Variants in SOX6 observed in about 807,000 individuals in gnomAD.
SOX6 encodes the protein SRY-box transcription factor 6, also known as transcription factor SOX-6.
In SOX6, 11 loss-of-function variants were observed where a neutral mutation model predicts 97.8. The observed-to-expected ratio is 0.11, with a 90% confidence interval of 0.07 to 0.19. The LOEUF is 0.19. SOX6 is among the 10% of genes least tolerant of loss of function. The probability of loss-of-function intolerance (pLI) is 1.00; values close to 1 mark genes in which losing one functional copy is unlikely to be tolerated. For missense variants in SOX6, 810 were observed against 1,039.5 expected, an observed-to-expected ratio of 0.78 and a Z score of 3.04; for synonymous variants, 360 against 371.4, an observed-to-expected ratio of 0.97 and a Z score of 0.35.
At chr11:16,643,790 T>A (rs1325553006) in intron 3 of SOX6, among the ~76,000 whole-genome samples, 1 of 152,192 alleles carries the variant, frequency 6.6e-6, no homozygotes, top group East Asian at 1.9e-4. Flanking sequence ...GGGAGTGACC[T>A]GATTTTCCAG....
chr11:16,585,565 T>C (rs1272991853), intron 4 of SOX6, among the ~76,000 whole-genome samples: 2 of 151,912 alleles, frequency 1.3e-5, no homozygotes, highest in African/African-American at 4.8e-5. Context: ...AGAGTCAGTA[T>C]AGGATTTCTA....
intron 4 of SOX6, among the ~76,000 whole-genome samples, chr11:16,540,240 T>C (rs534871957): frequency 6.6e-6 from 1 of 152,288 alleles, no homozygotes; most frequent in Non-Finnish European, 1.5e-5. Context: ...TCTCAATAGA[T>C]GCAGAAAAGG....
At chr11:16,298,812 T>G (rs1855170741) in intron 3 of SOX6, among the ~76,000 whole-genome samples, 2 of 152,198 alleles carry the variant, frequency 1.3e-5, no homozygotes, top group Admixed American at 6.5e-5. Flanking sequence ...GCCTGCTCAT[T>G]AGATGTTTAA....
At chr11:16,248,785 C>T (rs1853417055) in intron 3 of SOX6, among the ~76,000 whole-genome samples, 2 of 152,166 alleles carry the variant, frequency 1.3e-5, no homozygotes, top group Admixed American at 6.5e-5. Context: ...AGACATTTTC[C>T]CCATTGTCTT....
intron 1 of SOX6, among the ~76,000 whole-genome samples, chr11:16,349,692 GGAAGGAAGGAAGGAAGGAAGGAA>G (rs1158137919): frequency 1.1e-4 from 5 of 47,346 alleles, no homozygotes; most frequent in Admixed American, 2.3e-4. Context: ...AAGGAAGGAA[GGAAGGAAGGAAGGAAGGAAGGAA>G]GAAGGAAGGA....
chr11:16,022,003 T>C (rs111367635), intron 12 of SOX6, among the ~76,000 whole-genome samples: 34 of 152,254 alleles, frequency 2.2e-4, no homozygotes, highest in African/African-American at 6.7e-4. Context: ...GTATTTGTAC[T>C]GGGGTGAATT....
chr11:16,328,768 T>G (rs1856186718), intron 2 of SOX6, among the ~76,000 whole-genome samples: 1 of 152,302 alleles, frequency 6.6e-6, no homozygotes, highest in South Asian at 2.1e-4. Flanking sequence ...TTCCAATAAC[T>G]TCTTGCTAAC....
At chr11:16,112,029 C>A in intron 6 of SOX6, 106 bp from the exon 7 acceptor site, 6 of 1,380,320 alleles carry the variant, frequency 4.3e-6, no homozygotes, top group Non-Finnish European at 6.1e-6. Flanking sequence ...AGCCACCCAC[C>A]TCTAACCTCA....
rs189758566 is a variant in SOX6 at position 16,381,829 on chromosome 11, C to T, written c.-4-40577G>A. 1.5e-3 allele frequency among the ~76,000 whole-genome samples: 222 copies of T among 151,794 alleles called. 1 individual carries two copies. Among genetic ancestry groups the T allele is most frequent in the South Asian group, 7.7e-3 (37 of 4,812 alleles). On this transcript the variant is annotated intron_variant, in intron 1 of 15. Transcript: ENST00000396356. ...ACACACATACACACACAGGCAGAGG[C>T]ACAATGAACACAATACCAAAGTTTT...
chr11:16,044,092 C>T (rs570597339), intron 12 of SOX6, among the ~76,000 whole-genome samples: 6 of 152,068 alleles, frequency 3.9e-5, no homozygotes, highest in Non-Finnish European at 7.4e-5. Flanking sequence ...GATGGGGTCT[C>T]ACTATGCTGT....
intron 3 of SOX6, among the ~76,000 whole-genome samples, chr11:16,616,277 T>TCCCA (rs1016753830): frequency 1.4e-4 from 22 of 152,194 alleles, no homozygotes; most frequent in African/African-American, 5.1e-4. Flanking sequence ...CTGTAAAACT[T>TCCCA]CCCACCAATA....
intron 1 of SOX6, among the ~76,000 whole-genome samples, chr11:16,445,321 C>T (rs927875325): frequency 1.8e-4 from 28 of 152,202 alleles, no homozygotes; most frequent in African/African-American, 6.7e-4. Flanking sequence ...TTACTGTTCT[C>T]CTTCATCTCC....
At chr11:16,289,092 G>T (rs994138929) in intron 3 of SOX6, among the ~76,000 whole-genome samples, 2 of 151,520 alleles carry the variant, frequency 1.3e-5, no homozygotes, top group African/African-American at 2.4e-5. Flanking sequence ...CAAATGGCAA[G>T]AATTAAAACA....
chr11:16,195,439 T>C (rs762501225), intron 4 of SOX6, among the ~76,000 whole-genome samples: 46 of 152,196 alleles, frequency 3.0e-4, no homozygotes, highest in Non-Finnish European at 5.9e-4. Flanking sequence ...CCTAATGCTA[T>C]TTACAGCTAA....
intron 3 of SOX6, among the ~76,000 whole-genome samples, chr11:16,676,629 G>A (rs543845011): frequency 5.3e-5 from 8 of 151,972 alleles, no homozygotes; most frequent in African/African-American, 1.4e-4. Flanking sequence ...TGTATTCTTC[G>A]TCACATGTAG....
At chr11:16,176,365 G>A (rs761764605) in intron 6 of SOX6, among the ~76,000 whole-genome samples, 2 of 151,842 alleles carry the variant, frequency 1.3e-5, no homozygotes, top group South Asian at 4.1e-4. Context: ...CCAAGGTTGA[G>A]AACCACTAGC....
rs772200733 is a variant in SOX6 at position 16,049,812 on chromosome 11, T to G, written c.1378A>C (p.Asn460His). 3 of 1,613,662 alleles carry G rather than the reference T, an allele frequency of 1.9e-6. No individual in the cohort carries two copies. In the South Asian group the frequency reaches 3.3e-5, roughly 18 times the overall value. The change falls in exon 11 of 16, where the codon AAC becomes CAC. Residue 460 changes from asparagine to histidine, a missense_variant. Asn to His is a moderately conservative substitution (Grantham distance 68). Transcript: ENST00000683767. The stretch of plus-strand genomic sequence containing the variant: ...ATGGGGCTAGGGATGCTGCTTTTGT[T>G]TGGCAGATTGACAGGGCTGGTTTTG... ...ASKTSPVNLP[N>H]KSSIPSPIGG...
At chr11:16,428,856 T>G (rs1273573625) in intron 1 of SOX6, among the ~76,000 whole-genome samples, 1 of 152,238 alleles carries the variant, frequency 6.6e-6, no homozygotes, top group Non-Finnish European at 1.5e-5. Flanking sequence ...TTTCCAATTC[T>G]ATGAAGAAAG....
intron 9 of SOX6, among the ~76,000 whole-genome samples, chr11:16,065,148 T>C (rs1481366801): frequency 1.3e-5 from 2 of 152,044 alleles, no homozygotes; most frequent in African/African-American, 4.8e-5. Flanking sequence ...CTATTAGAAC[T>C]GATAAATACG....
Sources: gnomAD v4.1 joint callset for allele counts (sites outside exome capture counted in the v4.1 genomes callset) on GRCh38, gnomAD v4.1.1 for gene constraint, MANE v1.5 for transcripts, NCBI Gene and HGNC (gene_info 2026-07-23, HGNC 2026-07-21) for gene names.